Variants in PCDH15 observed in about 807,000 individuals in gnomAD.
PCDH15 encodes protocadherin related 15, also known as protocadherin-15.
A neutral mutation model predicts 178.5 loss-of-function variants in PCDH15; 129 were observed. The ratio of observed to expected loss-of-function variants is 0.72; its 90% confidence interval spans 0.63 to 0.84. The LOEUF (loss-of-function observed/expected upper bound fraction) is 0.84. PCDH15 is among the 40% of genes least tolerant of loss of function. PCDH15 has a pLI of 0.00. For synonymous variants in PCDH15, 800 were observed against 732.0 expected, an observed-to-expected ratio of 1.09 and a Z score of -1.50; for missense variants, 2,230 against 2,099.9, an observed-to-expected ratio of 1.06 and a Z score of -1.21.
At position 54,763,937 on chromosome 10, in the gene PCDH15, C is replaced by G. The variant is rs189038705; in HGVS notation, c.-29+36988G>C. 7.6e-3 allele frequency among the ~76,000 whole-genome samples: 1,146 copies of G among 151,300 alleles called. 14 individuals carry two copies. Among genetic ancestry groups the G allele is most frequent in the African/African-American group, 0.026 (1,065 of 41,286 alleles). On this transcript the variant is annotated intron_variant, in intron 1 of 37. Coordinates refer to ENST00000644397, the MANE Select transcript of PCDH15 (RefSeq NM_001384140.1). ...ATTTCCTAGGGAAACTTATGATAGCCTATTAACATGCAAATATAACGTATT... is the reference window on the plus strand; with the variant it reads ...ATTTCCTAGGGAAACTTATGATAGCGTATTAACATGCAAATATAACGTATT...
At chr10:54,245,357 GA>G (rs2055814965) in intron 8 of PCDH15, among the ~76,000 whole-genome samples, 1 of 152,002 alleles carries the variant, frequency 6.6e-6, no homozygotes, top group African/African-American at 2.4e-5. Flanking sequence ...TAATAAATGT[GA>G]AAGTTCAAAT....
intron 1 of PCDH15, among the ~76,000 whole-genome samples, chr10:54,694,446 C>T (rs1415298326): frequency 1.3e-5 from 2 of 152,024 alleles, no homozygotes; most frequent in Non-Finnish European, 1.5e-5. Flanking sequence ...TTTTGCTGCT[C>T]TTTGCTTTAT....
intron 8 of PCDH15, among the ~76,000 whole-genome samples, chr10:54,244,653 C>T (rs1436744509): frequency 6.6e-6 from 1 of 152,212 alleles, no homozygotes; most frequent in Non-Finnish European, 1.5e-5. Flanking sequence ...ATATTTCTTA[C>T]AACCCTTTCT....
In PCDH15 at chr10:53,805,272, G is replaced by C. The variant is rs1365599175; in HGVS notation, c.*1307C>G. ...CAATACTGTGCAAAATTTGAAGTGA[G>C]CTACATCTATATCATACTAAGTAAT... On this transcript the variant is annotated 3_prime_UTR_variant, in exon 38 of 38. Coordinates refer to ENST00000644397, the MANE Select transcript of PCDH15 (RefSeq NM_001384140.1). The C allele has an allele frequency of 6.6e-6, 1 of 151,980 alleles. No homozygotes were observed. The highest frequency in any genetic ancestry group is 2.1e-4 in the South Asian group (1 of 4,832). The allele number at this position is 151,980 out of a possible 1,614,324, so 9.4% of individuals were successfully genotyped here. A position where few individuals can be genotyped will look rare whatever the true frequency, so the allele number is the denominator to read the frequency against.
chr10:55,464,396 C>T (rs993381802), intron 2 of PCDH15, among the ~76,000 whole-genome samples: 1 of 151,384 alleles, frequency 6.6e-6, no homozygotes, highest in African/African-American at 2.4e-5. Flanking sequence ...TGAGTGAGAA[C>T]AATAAGGAAA....
At chr10:54,784,841 G>C (rs1950696106) in intron 1 of PCDH15, among the ~76,000 whole-genome samples, 1 of 151,972 alleles carries the variant, frequency 6.6e-6, no homozygotes, top group Admixed American at 6.6e-5. Flanking sequence ...TTTTGGTCTT[G>C]AATAATCTGA....
At chr10:55,269,762 C>T (rs1842392062) in intron 1 of PCDH15, among the ~76,000 whole-genome samples, 1 of 151,878 alleles carries the variant, frequency 6.6e-6, no homozygotes, top group Non-Finnish European at 1.5e-5. Context: ...TATCATTTTT[C>T]ACAGTTAGAA....
intron 21 of PCDH15, among the ~76,000 whole-genome samples, chr10:53,990,778 G>C (rs114514777): frequency 6.6e-6 from 1 of 152,062 alleles, no homozygotes; most frequent in African/African-American, 2.4e-5. Context: ...TGAGGCTGGA[G>C]ATGGCTCCCC....
chr10:54,527,766 A>G, intron 3 of PCDH15, 46 bp downstream of exon 3: 2 of 1,489,790 alleles, frequency 1.3e-6, no homozygotes, highest in Non-Finnish European at 1.9e-6. Flanking sequence ...AAATCTGAAG[A>G]AAACCCTCTT....
At chr10:55,483,898 C>T (rs2132121016) in intron 2 of PCDH15, among the ~76,000 whole-genome samples, 1 of 150,624 alleles carries the variant, frequency 6.6e-6, no homozygotes, top group East Asian at 2.0e-4. Context: ...GACATGAAAG[C>T]AACCTAAATG....
intron 1 of PCDH15, among the ~76,000 whole-genome samples, chr10:54,745,009 T>C (rs1244994225): frequency 6.6e-6 from 1 of 152,144 alleles, no homozygotes; most frequent in Non-Finnish European, 1.5e-5. Context: ...TATTTGACCA[T>C]TAACTATATT....
chr10:55,159,192 A>T (rs1386306718), intron 2 of PCDH15, among the ~76,000 whole-genome samples: 1 of 151,760 alleles, frequency 6.6e-6, no homozygotes, highest in African/African-American at 2.4e-5. Flanking sequence ...ATAATGCACC[A>T]CTCATAAAAA....
At chr10:54,176,955 G>GT (rs2047500069) in intron 13 of PCDH15, among the ~76,000 whole-genome samples, 1 of 116,058 alleles carries the variant, frequency 8.6e-6, no homozygotes, top group African/African-American at 4.2e-5. Flanking sequence ...TTATGTCCAT[G>GT]TAAAAAAAAA....
At chr10:54,959,339 G>A (rs1341141990) in intron 2 of PCDH15, among the ~76,000 whole-genome samples, 2 of 151,870 alleles carry the variant, frequency 1.3e-5, no homozygotes, top group South Asian at 4.1e-4. Context: ...TTACACAGAA[G>A]AATGCCAAGT....
chr10:54,091,981 A>G (rs2094606965), intron 15 of PCDH15, among the ~76,000 whole-genome samples: 2 of 152,198 alleles, frequency 1.3e-5, no homozygotes, highest in Admixed American at 6.6e-5. Context: ...ACATGGATCC[A>G]CATTAGATGA....
At chr10:53,923,235 T>C (rs2084163540) in intron 25 of PCDH15, among the ~76,000 whole-genome samples, 1 of 152,230 alleles carries the variant, frequency 6.6e-6, no homozygotes, top group Admixed American at 6.5e-5. Flanking sequence ...TCCTCTAAAC[T>C]GCTTGTCTGT....
At chr10:54,731,545 G>GATATATATATATATATATATATATAT (rs1167781763) in intron 1 of PCDH15, among the ~76,000 whole-genome samples, 28 of 80,266 alleles carry the variant, frequency 3.5e-4, no homozygotes, top group African/African-American at 8.0e-4. Context: ...ATGTGAGATA[G>GATATATATATATATATATATATATAT]ATATATATAT....
chr10:54,120,683 AAAG>A (rs374794509), intron 15 of PCDH15, among the ~76,000 whole-genome samples: 1 of 152,276 alleles, frequency 6.6e-6, no homozygotes, highest in African/African-American at 2.4e-5. Context: ...TAAAAACAAA[AAAG>A]AAGAAAGAAA....
At chr10:55,321,007 G>C (rs1294352966), upstream of PCDH15, among the ~76,000 whole-genome samples, 1 of 151,868 alleles carries the variant, frequency 6.6e-6, no homozygotes, top group Non-Finnish European at 1.5e-5. Context: ...AAAATCAGGA[G>C]AAAGTCAAGC....
Sources: gnomAD v4.1 joint callset for allele counts (sites outside exome capture counted in the v4.1 genomes callset) on GRCh38, gnomAD v4.1.1 for gene constraint, MANE v1.5 for transcripts, NCBI Gene and HGNC (gene_info 2026-07-23, HGNC 2026-07-21) for gene names.